GLG1: variants seen among roughly 807,000 people sequenced by gnomAD.
The protein encoded by GLG1 is golgi glycoprotein 1.
A neutral mutation model predicts 160.5 loss-of-function variants in GLG1; 38 were observed. The ratio of observed to expected loss-of-function variants is 0.24; its 90% CI spans 0.18 to 0.31. The LOEUF is 0.31. Among genes scored for constraint, GLG1 ranks in the 10% least tolerant of loss-of-function variants. GLG1 has a pLI of 1.00. For missense variants in GLG1, 1,373 were observed against 1,505.2 expected, an observed-to-expected ratio of 0.91 and a Z score of 1.45; for synonymous variants, 644 against 543.4, an observed-to-expected ratio of 1.19 and a Z score of -2.57.
At chr16:74,569,822 A>T (rs1016638638) in intron 1 of GLG1, among the ~76,000 whole-genome samples, 12 of 148,956 alleles carry the variant, frequency 8.1e-5, no homozygotes, top group Non-Finnish European at 1.6e-4. Flanking sequence ...AGATCACGCC[A>T]CTGCACCCTA....
chr16:74,599,732 T>C (rs990444191), intron 1 of GLG1, among the ~76,000 whole-genome samples: 4 of 151,746 alleles, frequency 2.6e-5, no homozygotes, highest in Non-Finnish European at 4.4e-5. Flanking sequence ...GGCATGGTGG[T>C]GGGCGCCTGT....
chr16:74,563,293 G>A (rs1299326722), intron 1 of GLG1: 1 of 146,566 alleles, frequency 6.8e-6, no homozygotes, highest in African/African-American at 2.5e-5. Context: ...CTGTCAGAAA[G>A]AGAACACTGG....
chr16:74,567,554 CTTTTTTTTTTT>C (rs869140658), intron 1 of GLG1, among the ~76,000 whole-genome samples: 1 of 66,450 alleles, frequency 1.5e-5, no homozygotes, highest in Non-Finnish European at 2.6e-5. Flanking sequence ...GGTGCACTTT[CTTTTTTTTTTT>C]TTTTTTTTTT....
rs1227005228 is a variant in GLG1, at chr16:74,477,549, T to A, written c.1828-16A>T. ...CCCGTGAGAGCTGCATGAGAAAAAA[T>A]GAGCTAAATACTTGAAAGGTAACAA... On this transcript the variant is annotated splice_polypyrimidine_tract_variant and intron_variant, in intron 11 of 25. Coordinates refer to ENST00000422840, the MANE Select transcript of GLG1 (RefSeq NM_001145667.2). 6.2e-7 allele frequency: 1 copy of A among 1,605,274 alleles called. No individual in the cohort carries two copies. Among genetic ancestry groups the A allele is most frequent in the African/African-American group, 1.3e-5 (1 of 74,604 alleles).
At chr16:74,576,700 T>G in intron 1 of GLG1, among the ~76,000 whole-genome samples, 1 of 152,142 alleles carries the variant, frequency 6.6e-6, no homozygotes, top group East Asian at 1.9e-4. Context: ...CTGGAGAAAT[T>G]AGAGAACAAA....
rs777199080 is a variant in GLG1 at position 74,447,548 on chromosome 16, T to C, written c.*5619A>G. 1.7e-4 allele frequency: 26 copies of C among 152,202 alleles called. No individual in the cohort carries two copies. The highest frequency in any genetic ancestry group is 3.5e-4 in the Non-Finnish European group (24 of 68,024). The allele number at this position is 152,202 out of a possible 1,614,324, so 9.4% of individuals were successfully genotyped here. On this transcript the variant is annotated 3_prime_UTR_variant, in exon 26 of 26. Coordinates refer to ENST00000422840, the MANE Select transcript of GLG1 (RefSeq NM_001145667.2). ...ATCTCAAAATTACACAGCATGAACATGTAAAAACAAGGGACCACCACGATT... is the reference window on the plus strand; with the variant it reads ...ATCTCAAAATTACACAGCATGAACACGTAAAAACAAGGGACCACCACGATT...
chr16:74,495,363 C>T (rs2016148189), intron 5 of GLG1, among the ~76,000 whole-genome samples: 6 of 152,210 alleles, frequency 3.9e-5, no homozygotes, highest in Admixed American at 3.9e-4. Context: ...ATCTGCCTGC[C>T]TCGGCCTCCC....
At chr16:74,605,187 C>A (rs1162744154) in intron 1 of GLG1, among the ~76,000 whole-genome samples, 1 of 152,062 alleles carries the variant, frequency 6.6e-6, no homozygotes, top group Non-Finnish European at 1.5e-5. Context: ...TCCACCTCCC[C>A]CCAACCCCCC....
chr16:74,570,552 T>C (rs1340800179), intron 1 of GLG1, among the ~76,000 whole-genome samples: 1 of 152,092 alleles, frequency 6.6e-6, no homozygotes, highest in East Asian at 1.9e-4. Flanking sequence ...CCTGCCCCCC[T>C]TTCTGAAAGC....
At chr16:74,572,245 T>C (rs1021629688) in intron 1 of GLG1, among the ~76,000 whole-genome samples, 9 of 152,038 alleles carry the variant, frequency 5.9e-5, no homozygotes, top group Non-Finnish European at 8.8e-5. Context: ...GCACGGTGGC[T>C]CGCACCTGTA....
In GLG1 at chr16:74,479,467, T is replaced by C. The variant is rs2015521865; in HGVS notation, c.1827+774A>G. ...GAGAGAAAAAAAAAAAAAAAACAAA[T>C]TCCCACGTTTTCTCACACAGCAGTA... On this transcript the variant is annotated intron_variant, in intron 11 of 25. Transcript: ENST00000422840. 2.0e-5 allele frequency among the ~76,000 whole-genome samples: 3 copies of C among 150,228 alleles called. No homozygotes were observed. The South Asian group carries it at 6.3e-4, about 32-fold the overall frequency.
intron 2 of GLG1, among the ~76,000 whole-genome samples, chr16:74,513,078 A>G (rs1266248679): frequency 6.6e-6 from 1 of 152,236 alleles, no homozygotes; most frequent in Admixed American, 6.5e-5. Context: ...GGGTCAGATC[A>G]CATTGAATAC....
chr16:74,453,171 C>G lies in GLG1; in HGVS notation c.3536G>C (p.Arg1179Thr). 6.2e-7 allele frequency: 1 copy of G among 1,613,756 alleles called. No homozygotes were observed. Among genetic ancestry groups the G allele is most frequent in the Non-Finnish European group, 8.5e-7 (1 of 1,179,788 alleles). The change falls in exon 26 of 26, where the codon AGG (arginine) becomes ACG (threonine). Residue 1179 changes from arginine to threonine, a missense_variant. Transcript: ENST00000422840. ...TKRVTRELKD[R>T] The stretch of plus-strand genomic sequence containing the variant: ...CCTTTGGTGGTCAAGGTGGCTCTAC[C>G]TGTCCTTGAGCTCTCGTGTCACTCG...
intron 1 of GLG1, among the ~76,000 whole-genome samples, chr16:74,599,438 C>T (rs573308694): frequency 5.3e-5 from 8 of 152,202 alleles, no homozygotes; most frequent in Non-Finnish European, 7.3e-5. Flanking sequence ...TAATCCAAGG[C>T]CAGGAGCGGT....
At chr16:74,464,241 C>T (rs1051220363) in intron 19 of GLG1, among the ~76,000 whole-genome samples, 2 of 152,172 alleles carry the variant, frequency 1.3e-5, no homozygotes, top group African/African-American at 4.8e-5. Flanking sequence ...GAATGTAACA[C>T]TGTACCAGGT....
chr16:74,517,834 T>G (rs141905045), intron 2 of GLG1, among the ~76,000 whole-genome samples: 5 of 152,300 alleles, frequency 3.3e-5, no homozygotes, highest in African/African-American at 1.2e-4. Flanking sequence ...CTTAAGCTGA[T>G]AAGCAACTTC....
intron 4 of GLG1, among the ~76,000 whole-genome samples, chr16:74,497,595 G>A (rs574959864): frequency 2.6e-5 from 4 of 151,802 alleles, no homozygotes; most frequent in South Asian, 2.1e-4. Flanking sequence ...CCGCCACCAC[G>A]CCCGGCTAAT....
At chr16:74,507,735 CAA>C in intron 3 of GLG1, among the ~76,000 whole-genome samples, 1 of 142,860 alleles carries the variant, frequency 7.0e-6, no homozygotes, top group African/African-American at 2.6e-5. Context: ...GACTCCATCT[CAA>C]AAAAAAAAAT....
intron 2 of GLG1, among the ~76,000 whole-genome samples, chr16:74,509,926 A>G (rs1338189434): frequency 6.6e-6 from 1 of 151,932 alleles, no homozygotes; most frequent in Non-Finnish European, 1.5e-5. Flanking sequence ...GCCTCAAGCA[A>G]TTCCCCTGCC....
Sources: allele counts gnomAD v4.1 joint callset (sites outside exome capture counted in the v4.1 genomes callset), GRCh38; gene constraint gnomAD v4.1.1; transcripts MANE v1.5; gene names NCBI Gene and HGNC (gene_info 2026-07-23, HGNC 2026-07-21).